KCNJ6: variants seen among roughly 807,000 people sequenced by gnomAD.
The protein encoded by KCNJ6 is potassium inwardly rectifying channel subfamily J member 6.
A neutral mutation model predicts 34.2 loss-of-function variants in KCNJ6; 9 were observed. The observed-to-expected ratio is 0.26, with a 90% CI of 0.16 to 0.46. The LOEUF is 0.46. KCNJ6 is among the 20% of genes least tolerant of loss of function. The probability of loss-of-function intolerance (pLI) is 1.00; values close to 1 mark genes in which losing one functional copy is unlikely to be tolerated. For synonymous variants in KCNJ6, 196 were observed against 207.1 expected, an observed-to-expected ratio of 0.95 and a Z score of 0.46; for missense variants, 236 against 531.3, an observed-to-expected ratio of 0.44 and a Z score of 5.46.
chr21:37,647,046 C>T (rs940551870), intron 3 of KCNJ6, among the ~76,000 whole-genome samples: 1 of 152,022 alleles, frequency 6.6e-6, no homozygotes. Context: ...GGGATCAGAG[C>T]GACGGGGAGG....
chr21:37,654,153 C>T (rs373765655), intron 3 of KCNJ6, among the ~76,000 whole-genome samples: 43 of 138,360 alleles, frequency 3.1e-4, no homozygotes, highest in African/African-American at 1.2e-3. Context: ...GGATCATGGA[C>T]GTGCAGCACC....
intron 2 of KCNJ6, among the ~76,000 whole-genome samples, chr21:37,747,701 G>A (rs2054974481): frequency 1.3e-5 from 2 of 152,132 alleles, no homozygotes; most frequent in Admixed American, 6.5e-5. Flanking sequence ...GCTTTGAGGG[G>A]GGAGGAGGGG....
At chr21:37,752,374 C>G (rs2835934) in intron 2 of KCNJ6, among the ~76,000 whole-genome samples, 9,560 of 152,214 alleles carry the variant, frequency 0.063, 580 homozygotes, top group African/African-American at 0.16. Flanking sequence ...ACATGAAGCT[C>G]TGCCCAGTAG....
intron 3 of KCNJ6, among the ~76,000 whole-genome samples, chr21:37,707,931 C>T (rs1006642714): frequency 6.6e-6 from 1 of 151,992 alleles, no homozygotes; most frequent in African/African-American, 2.4e-5. Context: ...TTGGATGATG[C>T]TGTTCCTTTG....
chr21:37,720,188 TA>T (rs992801744), intron 2 of KCNJ6, among the ~76,000 whole-genome samples: 13 of 152,056 alleles, frequency 8.5e-5, no homozygotes, highest in Admixed American at 1.3e-4. Context: ...CTTTTATAAT[TA>T]AAAAAACAAA....
intron 2 of KCNJ6, among the ~76,000 whole-genome samples, chr21:37,813,283 C>T (rs2055331481): frequency 6.6e-6 from 1 of 152,014 alleles, no homozygotes; most frequent in South Asian, 2.1e-4. Context: ...AAATGTATTC[C>T]ATGTTCATGG....
chr21:37,648,870 G>A (rs573913306), intron 3 of KCNJ6, among the ~76,000 whole-genome samples: 454 of 152,178 alleles, frequency 3.0e-3, no homozygotes, highest in Non-Finnish European at 4.9e-3. Flanking sequence ...GGTGGCTCAT[G>A]CCTGTAATCC....
At chr21:37,653,812 AT>A (rs1427410422) in intron 3 of KCNJ6, among the ~76,000 whole-genome samples, 3 of 152,192 alleles carry the variant, frequency 2.0e-5, no homozygotes, top group Non-Finnish European at 4.4e-5. Flanking sequence ...AGGTAAGCAT[AT>A]TTGACTTGTC....
chr21:37,702,501 T>A (rs1057380622), intron 3 of KCNJ6, among the ~76,000 whole-genome samples: 4 of 152,132 alleles, frequency 2.6e-5, no homozygotes, highest in African/African-American at 9.7e-5. Context: ...CTGGGGAAGA[T>A]GAAGAGCCGA....
chr21:37,700,864 A>C (rs1052914907), intron 3 of KCNJ6, among the ~76,000 whole-genome samples: 1 of 152,080 alleles, frequency 6.6e-6, no homozygotes, highest in African/African-American at 2.4e-5. Flanking sequence ...CCTTTTGCTC[A>C]TTTGCATAAG....
intron 2 of KCNJ6, among the ~76,000 whole-genome samples, chr21:37,834,869 T>C (rs1047473395): frequency 1.3e-5 from 2 of 152,248 alleles, no homozygotes; most frequent in Admixed American, 1.3e-4. Flanking sequence ...TGCCTGTTTC[T>C]GGCTGGATGA....
intron 1 of KCNJ6, among the ~76,000 whole-genome samples, chr21:37,892,377 T>C (rs1263566947): frequency 6.6e-6 from 1 of 152,240 alleles, no homozygotes; most frequent in African/African-American, 2.4e-5. Flanking sequence ...TATTACAAAA[T>C]ATTTCAAGCA....
At chr21:37,897,136 A>G (rs1377650698) in intron 1 of KCNJ6, among the ~76,000 whole-genome samples, 2 of 152,206 alleles carry the variant, frequency 1.3e-5, no homozygotes, top group Non-Finnish European at 2.9e-5. Context: ...GTTTTTGGGT[A>G]TAACTGGGTT....
intron 3 of KCNJ6, among the ~76,000 whole-genome samples, chr21:37,713,042 A>C (rs1465264666): frequency 6.6e-6 from 1 of 152,168 alleles, no homozygotes; most frequent in Admixed American, 6.5e-5. Context: ...TGCTGCATTT[A>C]AAAACCCTAT....
At chr21:37,844,539 A>C (rs2055497150) in intron 1 of KCNJ6, among the ~76,000 whole-genome samples, 1 of 151,966 alleles carries the variant, frequency 6.6e-6, no homozygotes. Context: ...GTTCTTTAGC[A>C]AGTGAGAATG....
At chr21:37,805,859 C>T (rs948690627) in intron 2 of KCNJ6, among the ~76,000 whole-genome samples, 1 of 152,130 alleles carries the variant, frequency 6.6e-6, no homozygotes, top group East Asian at 1.9e-4. Context: ...CTGTCAACCA[C>T]GAGGAGTCGG....
chr21:37,878,398 C>T (rs2055689784), intron 1 of KCNJ6, among the ~76,000 whole-genome samples: 1 of 152,184 alleles, frequency 6.6e-6, no homozygotes, highest in Admixed American at 6.5e-5. Context: ...TGCAGAATTG[C>T]AATGATTTGC....
At chr21:37,648,605 C>A (rs1325440800) in intron 3 of KCNJ6, among the ~76,000 whole-genome samples, 1 of 152,110 alleles carries the variant, frequency 6.6e-6, no homozygotes, top group East Asian at 1.9e-4. Context: ...TTCTCCTAAC[C>A]AAATTGCCAA....
chr21:37,667,614 GGGGTAGCAGGCACCGGGGTAGCAGGTCCA>G (rs374953006), intron 3 of KCNJ6, among the ~76,000 whole-genome samples: 42,458 of 151,094 alleles, frequency 0.28, 6,631 homozygotes, highest in Non-Finnish European at 0.35. Flanking sequence ...AGCGGGGTCT[GGGGTAGCAGGCACCGGGGTAGCAGGTCCA>G]GGGTAGCAGG....
Sources: allele counts gnomAD v4.1 joint callset (sites outside exome capture counted in the v4.1 genomes callset), GRCh38; gene constraint gnomAD v4.1.1; transcripts MANE v1.5; gene names NCBI Gene and HGNC (gene_info 2026-07-23, HGNC 2026-07-21).